Variants in EXOC4 observed in about 807,000 individuals in gnomAD.
EXOC4 encodes the protein exocyst complex component 4, also known as SEC8-like 1.
A neutral mutation model predicts 107.2 loss-of-function variants in EXOC4; 71 were observed. The ratio of observed to expected loss-of-function variants is 0.66; its 90% CI spans 0.55 to 0.81. The LOEUF is 0.81. Among genes scored for constraint, EXOC4 ranks in the 30% least tolerant of loss-of-function variants. The pLI is 0.00. For missense variants in EXOC4, 1,108 were observed against 1,189.6 expected (o/e 0.93, Z 1.01); for synonymous variants, 456 against 441.2 (o/e 1.03, Z -0.42).
chr7:133,956,806 C>A (rs1286336178), intron 14 of EXOC4, among the ~76,000 whole-genome samples: 3 of 152,182 alleles, frequency 2.0e-5, no homozygotes, highest in Non-Finnish European at 2.9e-5. Flanking sequence ...GACTCTATTT[C>A]TTAATGGGGA....
In EXOC4 at chr7:133,843,182, G is replaced by GT. The variant is rs964776478; in HGVS notation, c.1734+25647dup. On this transcript the variant is annotated intron_variant, in intron 11 of 17. Transcript: ENST00000253861. ...TTGGTTTCATATGAATTTTTAAATA[G>GT]TTTTTTTTTCTAATTCTGTGGAAAA... 7.3e-4 allele frequency among the ~76,000 whole-genome samples: 110 copies of GT among 151,562 alleles called. 2 individuals carry two copies. Among genetic ancestry groups the GT allele is most frequent in the African/African-American group, 2.4e-3 (99 of 41,330 alleles).
rs143017406 is a variant in EXOC4 at position 133,515,332 on chromosome 7, TACACACAC to T, written c.1417+35209_1417+35216del. Among the ~76,000 whole-genome samples, 242 of 150,104 alleles carry T rather than the reference TACACACAC, an allele frequency of 1.6e-3. 1 individual carries two copies. Among genetic ancestry groups the T allele is most frequent in the African/African-American group, 5.5e-3 (225 of 40,850 alleles). On this transcript the variant is annotated intron_variant, in intron 9 of 17. Transcript: ENST00000253861. ...CTCCAATCAGTAGCCCAAGTGTGCA[TACACACAC>T]ACACACACACACACGTATACATATA...
chr7:133,972,708 T>A (rs1037555888), intron 14 of EXOC4, among the ~76,000 whole-genome samples: 2 of 152,182 alleles, frequency 1.3e-5, no homozygotes, highest in African/African-American at 4.8e-5. Context: ...ACTGTCTACA[T>A]TAGAGAATTT....
chr7:133,356,583 A>G lies in EXOC4; in HGVS notation c.1007+10A>G. The G allele has an allele frequency of 6.2e-7, 1 of 1,613,274 alleles. No individual in the cohort carries two copies. Among genetic ancestry groups the G allele is most frequent in the Non-Finnish European group, 8.5e-7 (1 of 1,179,566 alleles). ...TGGAGAACCAACCAAGGTAGGTGGG[A>G]GTGTATTTTGTATTTTTGACAACTC... On this transcript the variant is annotated intron_variant, in intron 6 of 17. Transcript: ENST00000253861.
chr7:133,886,059 C>T (rs535579175), intron 11 of EXOC4, among the ~76,000 whole-genome samples: 1 of 152,132 alleles, frequency 6.6e-6, no homozygotes, highest in Non-Finnish European at 1.5e-5. Context: ...GTCATTGGGC[C>T]TCGTTAGTAT....
intron 10 of EXOC4, among the ~76,000 whole-genome samples, chr7:133,770,981 A>G (rs899068233): frequency 6.6e-6 from 1 of 152,066 alleles, no homozygotes; most frequent in Non-Finnish European, 1.5e-5. Context: ...GCCATACATG[A>G]ATGGACATGT....
intron 10 of EXOC4, among the ~76,000 whole-genome samples, chr7:133,678,037 T>G (rs1427795342): frequency 6.6e-6 from 1 of 152,218 alleles, no homozygotes; most frequent in Non-Finnish European, 1.5e-5. Context: ...AATAACCTTT[T>G]AAAAAGTATG....
chr7:133,639,928 C>T (rs191880497), intron 10 of EXOC4, among the ~76,000 whole-genome samples: 1 of 152,094 alleles, frequency 6.6e-6, no homozygotes, highest in Non-Finnish European at 1.5e-5. Flanking sequence ...TCTAGGGTAT[C>T]ACTCTTTAGT....
intron 10 of EXOC4, among the ~76,000 whole-genome samples, chr7:133,709,231 T>G (rs1794831922): frequency 6.6e-6 from 1 of 152,194 alleles, no homozygotes; most frequent in Non-Finnish European, 1.5e-5. Context: ...AAGGTGGACA[T>G]TGATGGAGGT....
chr7:133,541,863 G>GT (rs1412230971), intron 9 of EXOC4, among the ~76,000 whole-genome samples: 11 of 152,038 alleles, frequency 7.2e-5, no homozygotes, highest in African/African-American at 2.7e-4. Context: ...TGGGAAAGAA[G>GT]TTTTCCCCAG....
chr7:133,595,963 G>A (rs1801659759), intron 9 of EXOC4, among the ~76,000 whole-genome samples: 1 of 152,102 alleles, frequency 6.6e-6, no homozygotes. Context: ...GCCTGTCTTT[G>A]TCCTGGCTAA....
intron 14 of EXOC4, among the ~76,000 whole-genome samples, chr7:133,986,299 G>A (rs969841517): frequency 8.5e-5 from 13 of 152,204 alleles, no homozygotes; most frequent in Non-Finnish European, 1.3e-4. Context: ...AATGAAGAGA[G>A]CTTTCCAAAT....
At chr7:133,846,088 A>G (rs1798122025) in intron 11 of EXOC4, among the ~76,000 whole-genome samples, 1 of 152,202 alleles carries the variant, frequency 6.6e-6, no homozygotes, top group African/African-American at 2.4e-5. Context: ...ACTTTATTTT[A>G]TATCTCTGAA....
At chr7:133,685,679 A>T (rs1794281762) in intron 10 of EXOC4, among the ~76,000 whole-genome samples, 1 of 152,190 alleles carries the variant, frequency 6.6e-6, no homozygotes, top group East Asian at 1.9e-4. Flanking sequence ...GCCAGAGAAG[A>T]CTAGGCCGAC....
chr7:133,850,536 A>G (rs1282531891), intron 11 of EXOC4, among the ~76,000 whole-genome samples: 2 of 152,004 alleles, frequency 1.3e-5, no homozygotes, highest in African/African-American at 2.4e-5. Context: ...ACAGGGACCT[A>G]ATATTCCATT....
intron 10 of EXOC4, among the ~76,000 whole-genome samples, chr7:133,686,058 AT>A (rs1467881108): frequency 1.3e-5 from 2 of 151,974 alleles, no homozygotes; most frequent in Non-Finnish European, 2.9e-5. Flanking sequence ...TTTTTCGTGG[AT>A]TAATGGGTTA....
At chr7:133,981,797 T>C (rs1793986245) in intron 14 of EXOC4, among the ~76,000 whole-genome samples, 1 of 152,064 alleles carries the variant, frequency 6.6e-6, no homozygotes, top group African/African-American at 2.4e-5. Context: ...GACATATATA[T>C]GTATGCAAAT....
chr7:133,426,190 G>A (rs1797722928), intron 7 of EXOC4, among the ~76,000 whole-genome samples: 2 of 152,218 alleles, frequency 1.3e-5, no homozygotes, highest in South Asian at 4.1e-4. Flanking sequence ...TGTTTTTGGT[G>A]TTAGGGAATT....
At chr7:133,837,011 A>C (rs990449802) in intron 11 of EXOC4, among the ~76,000 whole-genome samples, 1 of 152,138 alleles carries the variant, frequency 6.6e-6, no homozygotes, top group African/African-American at 2.4e-5. Context: ...CCACCTTTTA[A>C]AGATTTAATT....
Sources: gnomAD v4.1 joint callset for allele counts (sites outside exome capture counted in the v4.1 genomes callset) on GRCh38, gnomAD v4.1.1 for gene constraint, MANE v1.5 for transcripts, NCBI Gene and HGNC (gene_info 2026-07-23, HGNC 2026-07-21) for gene names.